Variants in SYT2 observed in about 807,000 individuals in gnomAD.
The protein encoded by SYT2 is synaptotagmin-2.
A neutral mutation model predicts 39.9 loss-of-function variants in SYT2; 15 were observed. The observed-to-expected ratio is 0.38, with a 90% CI of 0.25 to 0.58. The LOEUF (loss-of-function observed/expected upper bound fraction) is 0.58. Ranked by LOEUF, SYT2 falls within the 20% of genes least tolerant of loss-of-function variation. SYT2 has a pLI of 0.70. For missense variants in SYT2, 389 were observed against 530.3 expected (o/e 0.73, Z 2.62); for synonymous variants, 181 against 204.5 (o/e 0.89, Z 0.98).
intron 1 of SYT2, among the ~76,000 whole-genome samples, chr1:202,664,155 AG>A (rs936320213): frequency 6.6e-6 from 1 of 152,184 alleles, no homozygotes; most frequent in East Asian, 1.9e-4. Context: ...AGAGGGGTAG[AG>A]GGAGGACCTT....
intron 1 of SYT2, among the ~76,000 whole-genome samples, chr1:202,652,717 G>A (rs560100292): frequency 2.6e-5 from 4 of 152,322 alleles, no homozygotes; most frequent in South Asian, 4.1e-4. Context: ...ATGTAGCCAA[G>A]GGTGAGAGGA....
chr1:202,607,139 A>G (rs1169441531), intron 1 of SYT2, among the ~76,000 whole-genome samples: 2 of 152,112 alleles, frequency 1.3e-5, no homozygotes, highest in East Asian at 1.9e-4. Context: ...TGTCCTCTCC[A>G]CCAAGCTCTT....
intron 1 of SYT2, among the ~76,000 whole-genome samples, chr1:202,616,870 G>A (rs906086578): frequency 3.9e-5 from 6 of 152,160 alleles, no homozygotes; most frequent in Non-Finnish European, 7.3e-5. Context: ...AGCCACTTCC[G>A]AGCTCCAGGC....
At position 202,596,268 on chromosome 1, in the gene SYT2, GACACAC is replaced by G. The variant is rs58376514; in HGVS notation, c.*483_*488del. On this transcript the variant is annotated 3_prime_UTR_variant, in exon 9 of 9. Transcript: ENST00000367268. Reference sequence around the variant, plus strand: ...CCAGGAATGAAGAGAAATGCTCAAAGACACACACACACACACACACACACACACACA... The same window carrying G: ...CCAGGAATGAAGAGAAATGCTCAAAGACACACACACACACACACACACACA... 2,853 of 119,522 alleles carry G rather than the reference GACACAC, an allele frequency of 0.024. 105 individuals are homozygous for G. Among genetic ancestry groups the G allele is most frequent in the African/African-American group, 0.082 (2,684 of 32,812 alleles). 7.4% of individuals were successfully genotyped at this position (119,522 alleles called of 1,614,324 possible).
chr1:202,627,574 A>C, intron 1 of SYT2: 1 of 985,290 alleles, frequency 1.0e-6, no homozygotes, highest in Non-Finnish European at 1.2e-6. Context: ...ATGGCTCCCC[A>C]TGGGGAAAGG....
intron 1 of SYT2, among the ~76,000 whole-genome samples, chr1:202,617,080 G>A (rs929595786): frequency 1.3e-5 from 2 of 152,112 alleles, no homozygotes; most frequent in African/African-American, 4.8e-5. Context: ...TCTCCATCCA[G>A]CAGCACCTCA....
intron 1 of SYT2, among the ~76,000 whole-genome samples, chr1:202,635,473 C>G (rs1432334723): frequency 6.6e-6 from 1 of 152,142 alleles, no homozygotes; most frequent in Admixed American, 6.5e-5. Context: ...TTTAGGGAAG[C>G]CTGGGGAATG....
intron 1 of SYT2, among the ~76,000 whole-genome samples, chr1:202,670,145 C>A (rs1048993431): frequency 2.6e-5 from 4 of 152,264 alleles, no homozygotes; most frequent in Admixed American, 2.0e-4. Flanking sequence ...CTAAGAGAGG[C>A]GTTTTCAGTG....
At chr1:202,706,642 G>A (rs545048362) in intron 1 of SYT2, among the ~76,000 whole-genome samples, 1 of 152,206 alleles carries the variant, frequency 6.6e-6, no homozygotes, top group South Asian at 2.1e-4. Flanking sequence ...CTGCCACTTA[G>A]AAAAAAATCT....
At chr1:202,682,758 T>A (rs1173303708) in intron 1 of SYT2, among the ~76,000 whole-genome samples, 1 of 151,186 alleles carries the variant, frequency 6.6e-6, no homozygotes, top group Admixed American at 6.6e-5. Flanking sequence ...AGATGCGGGG[T>A]GGACTTGATC....
At chr1:202,600,579 G>C (rs1176348140) in intron 6 of SYT2, 105 bp from the exon 7 acceptor site, 2 of 958,986 alleles carry the variant, frequency 2.1e-6, no homozygotes, top group Non-Finnish European at 3.3e-6. Context: ...ATGTGTCCCT[G>C]CCTCCCTCAT....
chr1:202,668,885 C>A (rs1692529286), intron 1 of SYT2, among the ~76,000 whole-genome samples: 1 of 152,206 alleles, frequency 6.6e-6, no homozygotes, highest in African/African-American at 2.4e-5. Context: ...AAGCCACATG[C>A]ATCTCTTGAA....
chr1:202,607,354 G>A (rs1319685734), intron 1 of SYT2, among the ~76,000 whole-genome samples: 1 of 152,172 alleles, frequency 6.6e-6, no homozygotes, highest in South Asian at 2.1e-4. Flanking sequence ...TGAGGCATCC[G>A]TTTTACTGAA....
At chr1:202,644,326 TC>T (rs1439182371) in intron 1 of SYT2, among the ~76,000 whole-genome samples, 3 of 151,926 alleles carry the variant, frequency 2.0e-5, no homozygotes, top group Non-Finnish European at 4.4e-5. Context: ...ACCTCCCACC[TC>T]CACAACTCTG....
At chr1:202,681,276 C>A (rs1438751786) in intron 1 of SYT2, among the ~76,000 whole-genome samples, 1 of 152,166 alleles carries the variant, frequency 6.6e-6, no homozygotes, top group Admixed American at 6.5e-5. Flanking sequence ...TCCCTCCATC[C>A]AAACTGCCCC....
intron 1 of SYT2, among the ~76,000 whole-genome samples, chr1:202,626,423 T>TTTTA (rs1270020109): frequency 7.1e-6 from 1 of 140,252 alleles, no homozygotes; most frequent in African/African-American, 2.8e-5. Flanking sequence ...TTTTTTTTTT[T>TTTTA]TTTGAGACAG....
rs889967175 is a variant in SYT2 at position 202,591,488 on chromosome 1, C to T, written c.*5269G>A. The T allele has an allele frequency of 1.0e-4, 16 of 152,556 alleles. No individual in the cohort carries two copies. The highest frequency in any genetic ancestry group is 3.9e-4 in the African/African-American group (16 of 41,454). The allele number at this position is 152,556 out of a possible 1,614,324, so 9.5% of individuals were successfully genotyped here. A position where few individuals can be genotyped will look rare whatever the true frequency, so the allele number is the denominator to read the frequency against. ...TACTCACCTCTGCTACTTGGTGCAA[C>T]TGGCTGGGGCTTCTCTGGGGAGCAG... is the stretch of plus-strand genomic sequence containing the variant. On this transcript the variant is annotated 3_prime_UTR_variant, in exon 9 of 9. Coordinates refer to ENST00000367268, the MANE Select transcript of SYT2 (RefSeq NM_177402.5).
chr1:202,667,202 GA>G (rs112795843), intron 1 of SYT2, among the ~76,000 whole-genome samples: 3,629 of 151,272 alleles, frequency 0.024, 136 homozygotes, highest in African/African-American at 0.085. Context: ...GGGCTGGGAG[GA>G]AAAAAAGGAG....
chr1:202,684,684 T>C (rs1402931717), intron 1 of SYT2, among the ~76,000 whole-genome samples: 1 of 152,196 alleles, frequency 6.6e-6, no homozygotes, highest in Non-Finnish European at 1.5e-5. Flanking sequence ...TCTGCTCCAA[T>C]GTGCCCCTCA....
Sources: gnomAD v4.1 joint callset for allele counts (sites outside exome capture counted in the v4.1 genomes callset) on GRCh38, gnomAD v4.1.1 for gene constraint, MANE v1.5 for transcripts, NCBI Gene and HGNC (gene_info 2026-07-23, HGNC 2026-07-21) for gene names.